Variants in SLC18B1 observed in about 807,000 individuals in gnomAD.
The protein encoded by SLC18B1 is MFS-type transporter SLC18B1.
SLC18B1 carries 62 observed loss-of-function variants against 53.9 expected under a neutral mutation model. That is an observed-to-expected ratio of 1.15 (90% CI 0.94 to 1.42). The LOEUF is 1.42. SLC18B1 is among the 40% of genes most tolerant of loss of function. SLC18B1 has a pLI of 0.00. For missense variants in SLC18B1, 598 were observed against 547.3 expected (o/e 1.09, Z -0.93); for synonymous variants, 217 against 200.9 (o/e 1.08, Z -0.68).
At chr6:132,794,130 G>A (rs936827909) in intron 2 of SLC18B1, among the ~76,000 whole-genome samples, 2 of 146,534 alleles carry the variant, frequency 1.4e-5, no homozygotes, top group African/African-American at 5.1e-5. Context: ...TTGAGATGGA[G>A]TCTCACTCTG....
chr6:132,787,449 G>A lies in SLC18B1; in HGVS notation c.486C>T (p.Asn162=), dbSNP rs747238497. 17 of 1,598,176 alleles carry A rather than the reference G, an allele frequency of 1.1e-5. No individual in the cohort carries two copies. Among genetic ancestry groups the A allele is most frequent in the Non-Finnish European group, 1.3e-5 (15 of 1,175,442 alleles). Reference sequence around the variant, plus strand: ...AAATACATACCAATACCGTAGCCACGTTATTTGGAAAAGCCTTTGCCAGGA... The same window carrying A: ...AAATACATACCAATACCGTAGCCACATTATTTGGAAAAGCCTTTGCCAGGA... The part of the protein sequence containing the change: ...SSILAKAFPN[N]VATVLGSLET... Residue 162 remains asparagine, a synonymous_variant, in exon 5 of 14, where the codon AAC becomes AAT. Transcript: ENST00000275227.
At chr6:132,778,827 G>T (rs181600830) in intron 7 of SLC18B1, among the ~76,000 whole-genome samples, 46 of 152,214 alleles carry the variant, frequency 3.0e-4, no homozygotes, top group African/African-American at 1.1e-3. Flanking sequence ...GAATAATACA[G>T]TCCATAGTCA....
chr6:132,795,331 G>T (rs920630410), intron 2 of SLC18B1, among the ~76,000 whole-genome samples: 1 of 152,016 alleles, frequency 6.6e-6, no homozygotes, highest in Non-Finnish European at 1.5e-5. Context: ...CCCATGCTTA[G>T]CCTGCTCTAG....
chr6:132,782,827 C>T (rs531605694), intron 6 of SLC18B1, among the ~76,000 whole-genome samples: 5 of 149,406 alleles, frequency 3.3e-5, no homozygotes, highest in East Asian at 2.0e-4. Context: ...CAGGCTGGAG[C>T]GCAGTGGCAT....
intron 2 of SLC18B1, among the ~76,000 whole-genome samples, chr6:132,792,292 G>A (rs28730470): frequency 0.42 from 12,475 of 29,834 alleles, 1,380 homozygotes; most frequent in Middle Eastern, 0.48. Flanking sequence ...AGGAAGAAAG[G>A]AAGGAAGGAA....
intron 4 of SLC18B1, among the ~76,000 whole-genome samples, chr6:132,789,242 C>A (rs1427030599): frequency 6.6e-6 from 1 of 152,164 alleles, no homozygotes; most frequent in Non-Finnish European, 1.5e-5. Flanking sequence ...ATGGCTACAG[C>A]CATCAGCAAA....
At chr6:132,780,356 C>T (rs575762704) in intron 6 of SLC18B1, among the ~76,000 whole-genome samples, 4 of 152,228 alleles carry the variant, frequency 2.6e-5, no homozygotes, top group African/African-American at 9.6e-5. Flanking sequence ...ACCTCAGCCT[C>T]CCACTTATGG....
At chr6:132,771,852 G>A (rs1372432795) in intron 11 of SLC18B1, among the ~76,000 whole-genome samples, 1 of 152,176 alleles carries the variant, frequency 6.6e-6, no homozygotes, top group Non-Finnish European at 1.5e-5. Context: ...AGCACTTTGG[G>A]AGGCCAAGGC....
intron 5 of SLC18B1, 77 bp downstream of exon 5, chr6:132,787,356 AC>A (rs1781402488): frequency 7.3e-7 from 1 of 1,369,522 alleles, no homozygotes; most frequent in Non-Finnish European, 9.7e-7. Context: ...AGAAGAATGG[AC>A]CCCAGCTTTA....
At chr6:132,794,107 A>ATTT (rs55943508) in intron 2 of SLC18B1, among the ~76,000 whole-genome samples, 11,768 of 137,910 alleles carry the variant, frequency 0.085, 1,229 homozygotes, top group African/African-American at 0.25. Flanking sequence ...TTTTTTTTTA[A>ATTT]TTTTTTTTTT....
intron 6 of SLC18B1, among the ~76,000 whole-genome samples, chr6:132,781,798 C>T (rs1290655461): frequency 6.6e-6 from 1 of 151,258 alleles, no homozygotes; most frequent in East Asian, 1.9e-4. Flanking sequence ...AAAGAAAAAC[C>T]TCCCAGAAAA....
In SLC18B1 at chr6:132,772,198, C is replaced by T. The variant is rs749110104; in HGVS notation, c.1094G>A (p.Gly365Glu). 4 of 1,564,866 alleles carry T rather than the reference C, an allele frequency of 2.6e-6. No individual in the cohort carries two copies. Among genetic ancestry groups the T allele is most frequent in the Non-Finnish European group, 1.7e-6 (2 of 1,162,876 alleles). The change falls in exon 11 of 14, where the codon GGG becomes GAG. Residue 365 changes from glycine to glutamate, a missense_variant. Coordinates refer to ENST00000275227, the MANE Select transcript of SLC18B1 (RefSeq NM_052831.3). ...CAATGTACTTAATCCCTCTTCAAAC[C>T]CATTTTCACTGCAAAAAGAGACATG... ...PEILSCAHEN[G>E]FEEGLSTLGL...
chr6:132,798,257 G>A (rs1039685624), intron 1 of SLC18B1, among the ~76,000 whole-genome samples, 157 bp downstream of exon 1: 1 of 152,258 alleles, frequency 6.6e-6, no homozygotes, highest in African/African-American at 2.4e-5. Context: ...CCCGTCCAGA[G>A]AGAAAAGAAA....
chr6:132,794,662 C>T (rs1175292968), intron 2 of SLC18B1, among the ~76,000 whole-genome samples: 1 of 152,120 alleles, frequency 6.6e-6, no homozygotes, highest in African/African-American at 2.4e-5. Context: ...ACCTAGAACA[C>T]CTCCATCTCT....
At position 132,774,264 on chromosome 6, in the gene SLC18B1, C is replaced by G. The variant is rs1218402348; in HGVS notation, c.947G>C (p.Cys316Ser). The G allele has an allele frequency of 1.9e-6, 3 of 1,613,324 alleles. No individual in the cohort carries two copies. The African/African-American group carries it at 4.0e-5, about 22-fold the overall frequency. ...LVFGNLITAG[C>S]YMLLGPVPIL... Reference sequence around the variant, plus strand: ...TGGGACAGGCCCTAAGAGCATGTAGCACCCGGCTGTGATTAAGTTGCCAAA... The same window carrying G: ...TGGGACAGGCCCTAAGAGCATGTAGGACCCGGCTGTGATTAAGTTGCCAAA... Residue 316 changes from cysteine (C) to serine (S), a missense_variant, in exon 9 of 14, where the codon TGC (cysteine) becomes TCC (serine). Transcript: ENST00000275227.
intron 5 of SLC18B1, among the ~76,000 whole-genome samples, chr6:132,786,889 G>C (rs1207699428): frequency 1.3e-5 from 2 of 152,170 alleles, no homozygotes; most frequent in East Asian, 3.9e-4. Context: ...ACACAAAAAC[G>C]CATGTCAATA....
At chr6:132,788,983 TA>T in intron 4 of SLC18B1, among the ~76,000 whole-genome samples, 1 of 151,966 alleles carries the variant, frequency 6.6e-6, no homozygotes, top group African/African-American at 2.4e-5. Flanking sequence ...AAAAAAATTT[TA>T]ACCCCATTTC....
intron 4 of SLC18B1, 42 bp from the exon 5 acceptor site, chr6:132,787,623 T>C (rs1781411172): frequency 6.8e-7 from 1 of 1,472,126 alleles, no homozygotes; most frequent in Non-Finnish European, 9.0e-7. Context: ...AAGCTGGTTT[T>C]CTTTTTTTTT....
intron 2 of SLC18B1, among the ~76,000 whole-genome samples, chr6:132,790,908 C>T (rs1347947523): frequency 6.6e-6 from 1 of 152,178 alleles, no homozygotes; most frequent in Non-Finnish European, 1.5e-5. Flanking sequence ...ATTACAGTTA[C>T]TAATGTTTAT....
Sources: gnomAD v4.1 joint callset for allele counts (sites outside exome capture counted in the v4.1 genomes callset) on GRCh38, gnomAD v4.1.1 for gene constraint, MANE v1.5 for transcripts, NCBI Gene and HGNC (gene_info 2026-07-23, HGNC 2026-07-21) for gene names.